Variants in PTPRD observed in about 807,000 individuals in gnomAD.
PTPRD encodes the protein receptor-type tyrosine-protein phosphatase delta.
In PTPRD, 34 loss-of-function variants were observed where a neutral mutation model predicts 214.5. The ratio of observed to expected loss-of-function variants is 0.16; its 90% CI spans 0.12 to 0.21. The LOEUF (loss-of-function observed/expected upper bound fraction) is 0.21, where lower values mean the gene tolerates loss of function less well. Ranked by LOEUF, PTPRD falls within the 10% of genes least tolerant of loss-of-function variation. The pLI, the probability that PTPRD is intolerant of heterozygous loss-of-function variation, is 1.00. For missense variants in PTPRD, 2,545 were observed against 2,398.7 expected, an observed-to-expected ratio of 1.06 and a Z score of -1.27; for synonymous variants, 1,128 against 845.7, an observed-to-expected ratio of 1.33 and a Z score of -5.79.
chr9:9,944,761 G>A (rs73643832), intron 4 of PTPRD, among the ~76,000 whole-genome samples: 3,879 of 152,076 alleles, frequency 0.026, 182 homozygotes, highest in African/African-American at 0.089. Flanking sequence ...AGGGTAATGA[G>A]GAGACACATA....
intron 10 of PTPRD, among the ~76,000 whole-genome samples, chr9:9,152,976 T>C (rs958956886): frequency 7.2e-5 from 11 of 152,234 alleles, no homozygotes; most frequent in Non-Finnish European, 1.5e-4. Context: ...TGTTGTTCAC[T>C]AGTAGCAAAC....
intron 39 of PTPRD, among the ~76,000 whole-genome samples, chr9:8,345,445 G>A (rs12684395): frequency 0.14 from 21,859 of 152,018 alleles, 1,998 homozygotes; most frequent in East Asian, 0.34. Context: ...CTTTCCTGTA[G>A]AGCGCTCGTC....
Position 9,899,176 on chromosome 9 carries a change from T to G in PTPRD, c.-368+39331A>C, listed in dbSNP as rs539412097. Among the ~76,000 whole-genome samples the G allele has an allele frequency of 3.3e-5, 5 of 152,058 alleles. No homozygotes were observed. In the East Asian group the frequency reaches 9.7e-4, roughly 29 times the overall value. On this transcript the variant is annotated intron_variant, in intron 5 of 45. Coordinates refer to ENST00000381196, the MANE Select transcript of PTPRD (RefSeq NM_002839.4). The stretch of plus-strand genomic sequence containing the variant: ...AAGAAGAAGTACTTAGGAACAAATC[T>G]AACAAAATATGTAGAGAATCTGTAG...
At chr9:8,398,224 C>A (rs942998157) in intron 36 of PTPRD, among the ~76,000 whole-genome samples, 2 of 152,034 alleles carry the variant, frequency 1.3e-5, no homozygotes, top group African/African-American at 4.8e-5. Context: ...CTTCTAGGTG[C>A]TTTACATATG....
At chr9:9,393,120 C>A (rs550836753) in intron 9 of PTPRD, among the ~76,000 whole-genome samples, 1 of 152,268 alleles carries the variant, frequency 6.6e-6, no homozygotes, top group African/African-American at 2.4e-5. Context: ...TTCTATGTGT[C>A]CACGAACCTA....
chr9:8,779,848 T>C (rs10815943), intron 11 of PTPRD, among the ~76,000 whole-genome samples: 16,593 of 147,368 alleles, frequency 0.11, 990 homozygotes, highest in Non-Finnish European at 0.13. Context: ...CTAAGGATAC[T>C]CCTTGGACTG....
intron 11 of PTPRD, among the ~76,000 whole-genome samples, chr9:8,847,104 C>T (rs1008296793): frequency 5.3e-5 from 8 of 151,864 alleles, no homozygotes; most frequent in African/African-American, 1.9e-4. Flanking sequence ...CGATATAATA[C>T]AAGTGTAACT....
At chr9:8,364,436 T>C (rs1211826840) in intron 39 of PTPRD, among the ~76,000 whole-genome samples, 1 of 152,198 alleles carries the variant, frequency 6.6e-6, no homozygotes, top group South Asian at 2.1e-4. Context: ...GAGGTAACAA[T>C]AGCATCTGCT....
At chr9:8,838,276 G>C (rs1361720220) in intron 11 of PTPRD, among the ~76,000 whole-genome samples, 1 of 151,928 alleles carries the variant, frequency 6.6e-6, no homozygotes, top group Non-Finnish European at 1.5e-5. Flanking sequence ...CAAATACTTG[G>C]GGGAAGGAAG....
chr9:10,148,968 C>T (rs1040915693), intron 3 of PTPRD, among the ~76,000 whole-genome samples: 4 of 152,146 alleles, frequency 2.6e-5, no homozygotes, highest in African/African-American at 9.7e-5. Flanking sequence ...TATGTGAGAA[C>T]AGAAATGTGG....
chr9:8,746,417 C>T (rs1357892101), intron 11 of PTPRD, among the ~76,000 whole-genome samples: 1 of 151,716 alleles, frequency 6.6e-6, no homozygotes, highest in Non-Finnish European at 1.5e-5. Flanking sequence ...AGAGTGGCAG[C>T]GAAAAAAATA....
intron 6 of PTPRD, among the ~76,000 whole-genome samples, chr9:9,757,162 G>C (rs2098595006): frequency 6.6e-6 from 1 of 152,078 alleles, no homozygotes; most frequent in Non-Finnish European, 1.5e-5. Flanking sequence ...CCATTCCTTA[G>C]CAGTTGTTCA....
At chr9:8,641,994 C>G (rs1486232893) in intron 12 of PTPRD, among the ~76,000 whole-genome samples, 2 of 152,184 alleles carry the variant, frequency 1.3e-5, no homozygotes, top group African/African-American at 4.8e-5. Context: ...AACTGCCGTA[C>G]TGAGGACAAA....
At chr9:8,802,279 C>G (rs1381342838) in intron 11 of PTPRD, among the ~76,000 whole-genome samples, 2 of 152,152 alleles carry the variant, frequency 1.3e-5, no homozygotes, top group Non-Finnish European at 2.9e-5. Context: ...TGGTACAAGT[C>G]TGAGTGTAGA....
chr9:9,962,731 G>A (rs756012728), intron 4 of PTPRD, among the ~76,000 whole-genome samples: 2 of 152,022 alleles, frequency 1.3e-5, no homozygotes, highest in Non-Finnish European at 2.9e-5. Context: ...ATATGAAGCT[G>A]AATGTCTCTT....
At chr9:10,183,675 G>C (rs1021764335) in intron 3 of PTPRD, among the ~76,000 whole-genome samples, 4 of 152,084 alleles carry the variant, frequency 2.6e-5, no homozygotes, top group African/African-American at 9.7e-5. Context: ...GAAAAGAGGA[G>C]AGATGAAAAA....
At chr9:9,658,344 C>T (rs2154378075) in intron 7 of PTPRD, among the ~76,000 whole-genome samples, 1 of 152,250 alleles carries the variant, frequency 6.6e-6, no homozygotes, top group African/African-American at 2.4e-5. Flanking sequence ...ACTGGGTTGG[C>T]TGTTTCTTTA....
At chr9:9,183,159 T>G (rs573968947) in intron 10 of PTPRD, 145 bp downstream of exon 10, 6 of 152,128 alleles carry the variant, frequency 3.9e-5, no homozygotes, top group African/African-American at 1.2e-4. Context: ...TAACTCAATA[T>G]TAGGTAAACA....
intron 3 of PTPRD, among the ~76,000 whole-genome samples, chr9:10,102,772 A>G (rs1437127683): frequency 2.0e-5 from 3 of 151,654 alleles, no homozygotes; most frequent in Non-Finnish European, 4.4e-5. Context: ...AAAATTTTCT[A>G]TTTCATAAAA....
Sources: allele counts gnomAD v4.1 joint callset (sites outside exome capture counted in the v4.1 genomes callset), GRCh38; gene constraint gnomAD v4.1.1; transcripts MANE v1.5; gene names NCBI Gene and HGNC (gene_info 2026-07-23, HGNC 2026-07-21).